The following HERC3 variants were observed in gnomAD, a reference collection of about 807,000 sequenced individuals.
HERC3 encodes HECT and RLD domain containing E3 ubiquitin protein ligase 3, also known as probable E3 ubiquitin-protein ligase HERC3.
A neutral mutation model predicts 129.9 loss-of-function variants in HERC3; 58 were observed. The ratio of observed to expected loss-of-function variants is 0.45; its 90% CI spans 0.36 to 0.56. The LOEUF (loss-of-function observed/expected upper bound fraction) is 0.56. Ranked by LOEUF, HERC3 falls within the 20% of genes least tolerant of loss-of-function variation. The pLI is 0.00. For synonymous variants in HERC3, 430 were observed against 451.0 expected, an observed-to-expected ratio of 0.95 and a Z score of 0.59; for missense variants, 835 against 1,244.2, an observed-to-expected ratio of 0.67 and a Z score of 4.95.
At chr4:88,689,252 T>C (rs2924923) in intron 23 of HERC3, among the ~76,000 whole-genome samples, 68,121 of 151,556 alleles carry the variant, frequency 0.45, 18,362 homozygotes, top group African/African-American at 0.75. Context: ...TGCCTGTAAT[T>C]CCAGAACTTT....
chr4:88,652,461 A>AATCTGCACTTCTGTGTCCTGCTTGATT lies in HERC3; in HGVS notation c.463+381_464-374dup, dbSNP rs1292332259. Among the ~76,000 whole-genome samples, 7 of 152,278 alleles carry AATCTGCACTTCTGTGTCCTGCTTGATT rather than the reference A, an allele frequency of 4.6e-5. No homozygotes were observed. In the East Asian group the frequency reaches 1.3e-3, roughly 29 times the overall value. On this transcript the variant is annotated intron_variant, in intron 5 of 25. Coordinates refer to ENST00000402738, the MANE Select transcript of HERC3 (RefSeq NM_014606.3). ...AGAAGGAGTTGGAGAAACCTAAATAAATCTGCACTTCTGTGTCCTGCTTGA... is the reference window on the plus strand; with the variant it reads ...AGAAGGAGTTGGAGAAACCTAAATAAATCTGCACTTCTGTGTCCTGCTTGATTATCTGCACTTCTGTGTCCTGCTTGA...
chr4:88,641,905 A>C (rs1728136102), intron 3 of HERC3, among the ~76,000 whole-genome samples: 1 of 151,986 alleles, frequency 6.6e-6, no homozygotes, highest in Non-Finnish European at 1.5e-5. Flanking sequence ...GACACTTGAG[A>C]CCAGGAGTTC....
the HERC3 span, among the ~76,000 whole-genome samples, chr4:88,546,483 C>CCCTCCCTCCCTCCCTT: frequency 1.3e-5 from 2 of 149,000 alleles, no homozygotes; most frequent in East Asian, 4.0e-4. Context: ...TCTTTGTTTC[C>CCCTCCCTCCCTCCCTT]CCTCCCTCCC....
chr4:88,689,524 G>A (rs1021600763), intron 23 of HERC3, among the ~76,000 whole-genome samples: 9 of 98,740 alleles, frequency 9.1e-5, no homozygotes, highest in African/African-American at 1.4e-4. Flanking sequence ...ATCTCCCCCC[G>A]CCCCCGCCAA....
At chr4:88,616,763 T>C (rs1284981920) in intron 3 of HERC3, among the ~76,000 whole-genome samples, 2 of 152,182 alleles carry the variant, frequency 1.3e-5, no homozygotes, top group Non-Finnish European at 2.9e-5. Context: ...AGCTGTGTCA[T>C]GAACAATGAG....
intron 3 of HERC3, among the ~76,000 whole-genome samples, chr4:88,633,717 T>TAGAG (rs3067504): frequency 0.053 from 8,084 of 152,100 alleles, 558 homozygotes; most frequent in East Asian, 0.27. Flanking sequence ...ACAACCCAAA[T>TAGAG]AGATTATCCT....
intron 24 of HERC3, 24 bp downstream of exon 24, chr4:88,704,305 T>G: frequency 1.9e-6 from 3 of 1,609,584 alleles, no homozygotes; most frequent in Non-Finnish European, 2.6e-6. Flanking sequence ...ATCCTTTAAC[T>G]CCTTTAACTC....
the HERC3 span, among the ~76,000 whole-genome samples, chr4:88,586,260 T>C: frequency 6.6e-6 from 1 of 152,170 alleles, no homozygotes; most frequent in African/African-American, 2.4e-5. Context: ...TGTTGCAGAA[T>C]AGTATATGAT....
rs757240871 is a variant in HERC3 at position 88,670,127 on chromosome 4, GTTC to G, written c.1798-8_1798-6del. 21 of 1,606,220 alleles carry G rather than the reference GTTC, an allele frequency of 1.3e-5. No individual in the cohort carries two copies. The African/African-American group carries it at 2.0e-4, about 15-fold the overall frequency. On this transcript the variant is annotated splice_polypyrimidine_tract_variant and intron_variant, in intron 15 of 25. Coordinates refer to ENST00000402738, the MANE Select transcript of HERC3 (RefSeq NM_014606.3). ...GCCATGTTTCAGTTGTCTGTATTTT[GTTC>G]TTCATTAGGTAAATCTTAAAGTGAA...
intron 23 of HERC3, among the ~76,000 whole-genome samples, chr4:88,693,884 A>G (rs1734326153): frequency 6.6e-6 from 1 of 152,324 alleles, no homozygotes; most frequent in African/African-American, 2.4e-5. Context: ...TGGTTTATGA[A>G]TGATAGTGTT....
At chr4:88,553,998 C>T in the HERC3 span, among the ~76,000 whole-genome samples, 2 of 152,144 alleles carry the variant, frequency 1.3e-5, no homozygotes, top group Non-Finnish European at 2.9e-5. Flanking sequence ...ATAAATTCTT[C>T]AAAAAGAAGA....
intron 10 of HERC3, among the ~76,000 whole-genome samples, chr4:88,661,342 A>G (rs573202744): frequency 6.6e-6 from 1 of 152,368 alleles, no homozygotes; most frequent in African/African-American, 2.4e-5. Context: ...AGATGATCAC[A>G]AACTTTGTCA....
the HERC3 span, chr4:88,527,854 G>T: frequency 3.2e-6 from 1 of 311,266 alleles, no homozygotes; most frequent in South Asian, 3.1e-5. Context: ...ATAGGTAGCT[G>T]AGGGCCTGAC....
intron 10 of HERC3, among the ~76,000 whole-genome samples, chr4:88,661,869 G>A (rs1190615988): frequency 3.3e-5 from 5 of 152,144 alleles, no homozygotes; most frequent in African/African-American, 1.2e-4. Context: ...TTTTGTTGAA[G>A]TTTGGTGGAC....
In HERC3 at chr4:88,655,269, G is replaced by A. The variant is rs775037314; in HGVS notation, c.873G>A (p.Leu291=). Residue 291 remains leucine, a synonymous_variant, in exon 8 of 26, where the codon CTG becomes CTA. Transcript: ENST00000402738. ...TTAACCCTAGAAGAGTTCTAGAGCTGATGGGTAGTGAAGTAACTCAAATTG... is the reference window on the plus strand; with the variant it reads ...TTAACCCTAGAAGAGTTCTAGAGCTAATGGGTAGTGAAGTAACTCAAATTG... The part of the protein sequence containing the change: ...DEVNPRRVLE[L]MGSEVTQIAC... 34 of 1,613,900 alleles carry A rather than the reference G, an allele frequency of 2.1e-5. No homozygotes were observed. Among genetic ancestry groups the A allele is most frequent in the Non-Finnish European group, 2.7e-5 (32 of 1,179,834 alleles).
intron 2 of HERC3, among the ~76,000 whole-genome samples, chr4:88,598,389 A>T (rs1722626250): frequency 6.6e-6 from 1 of 152,218 alleles, no homozygotes; most frequent in South Asian, 2.1e-4. Flanking sequence ...TCCTCCTATC[A>T]ACCTCAAATC....
intron 3 of HERC3, among the ~76,000 whole-genome samples, chr4:88,648,930 A>G (rs1194205765): frequency 6.7e-6 from 1 of 148,578 alleles, no homozygotes; most frequent in African/African-American, 2.5e-5. Context: ...ATGCTACCAC[A>G]TTTTTGGTTT....
chr4:88,556,649 G>C, the HERC3 span, among the ~76,000 whole-genome samples: 1 of 151,874 alleles, frequency 6.6e-6, no homozygotes, highest in Admixed American at 6.6e-5. Context: ...TTACTGACCT[G>C]GCTTCCTTAC....
chr4:88,547,047 TC>T, the HERC3 span, among the ~76,000 whole-genome samples: 1 of 152,196 alleles, frequency 6.6e-6, no homozygotes, highest in African/African-American at 2.4e-5. Context: ...AACCTTTTTT[TC>T]TTTCTTTCAT....
Sources: allele counts gnomAD v4.1 joint callset (sites outside exome capture counted in the v4.1 genomes callset), GRCh38; gene constraint gnomAD v4.1.1; transcripts MANE v1.5; gene names NCBI Gene and HGNC (gene_info 2026-07-23, HGNC 2026-07-21).